CPNE4: variants seen among roughly 807,000 people sequenced by gnomAD.
The protein encoded by CPNE4 is copine 4.
In CPNE4, 25 loss-of-function variants were observed where a neutral mutation model predicts 67.9. The observed-to-expected ratio is 0.37, with a 90% CI of 0.27 to 0.51. The LOEUF (loss-of-function observed/expected upper bound fraction) is 0.51. Among genes scored for constraint, CPNE4 ranks in the 20% least tolerant of loss-of-function variants. CPNE4 has a pLI of 0.93. For missense variants in CPNE4, 464 were observed against 690.8 expected (o/e 0.67, Z 3.68); for synonymous variants, 242 against 244.9 (o/e 0.99, Z 0.11).
intron 2 of CPNE4, among the ~76,000 whole-genome samples, chr3:131,733,101 A>G (rs542626530): frequency 6.6e-6 from 1 of 152,354 alleles, no homozygotes; most frequent in South Asian, 2.1e-4. Flanking sequence ...ACTTAGAACC[A>G]AAAAGGTTAA....
intron 1 of CPNE4, among the ~76,000 whole-genome samples, chr3:132,018,983 ACT>A (rs1431719609): frequency 6.6e-6 from 1 of 151,948 alleles, no homozygotes; most frequent in African/African-American, 2.4e-5. Context: ...ATAATGGGAA[ACT>A]CTGCTTTATC....
chr3:131,634,271 C>T (rs2079317591), intron 7 of CPNE4, among the ~76,000 whole-genome samples: 1 of 152,128 alleles, frequency 6.6e-6, no homozygotes, highest in African/African-American at 2.4e-5. Context: ...ATATGCTGAG[C>T]ATCCATTCAC....
intron 2 of CPNE4, among the ~76,000 whole-genome samples, chr3:131,903,628 A>G (rs1672400544): frequency 6.6e-6 from 1 of 152,108 alleles, no homozygotes; most frequent in Non-Finnish European, 1.5e-5. Flanking sequence ...TTCCACTTAC[A>G]AGCTGACTGC....
At chr3:131,636,938 A>G (rs911573671) in intron 7 of CPNE4, among the ~76,000 whole-genome samples, 3 of 152,164 alleles carry the variant, frequency 2.0e-5, no homozygotes, top group Non-Finnish European at 4.4e-5. Flanking sequence ...AGAAAAGCAT[A>G]AACAATCACT....
chr3:131,879,711 T>C (rs1260366404), intron 2 of CPNE4, among the ~76,000 whole-genome samples: 1 of 152,178 alleles, frequency 6.6e-6, no homozygotes, highest in African/African-American at 2.4e-5. Flanking sequence ...TAGGCAGAGC[T>C]CTAGCCAAGA....
intron 5 of CPNE4, 110 bp from the exon 6 acceptor site, chr3:131,686,068 A>G (rs1032628491): frequency 1.5e-6 from 1 of 656,410 alleles, no homozygotes; most frequent in Non-Finnish European, 2.7e-6. Flanking sequence ...CCTATTTTTT[A>G]TATGTGGAAG....
chr3:131,713,582 T>C (rs566969269), intron 3 of CPNE4, among the ~76,000 whole-genome samples: 1 of 152,284 alleles, frequency 6.6e-6, no homozygotes. Context: ...AAAATGTTTG[T>C]TCTATAGATG....
At chr3:131,764,476 G>C (rs1447543895) in intron 2 of CPNE4, among the ~76,000 whole-genome samples, 1 of 152,052 alleles carries the variant, frequency 6.6e-6, no homozygotes, top group East Asian at 1.9e-4. Flanking sequence ...ACAATTGGAA[G>C]TCTGAATATG....
intron 1 of CPNE4, among the ~76,000 whole-genome samples, chr3:131,960,842 C>A (rs1369013328): frequency 6.6e-6 from 1 of 152,160 alleles, no homozygotes; most frequent in East Asian, 1.9e-4. Context: ...AAACCCCAGT[C>A]CAGAACTCCT....
chr3:131,956,717 C>T (rs1318454360), intron 1 of CPNE4, among the ~76,000 whole-genome samples: 3 of 152,164 alleles, frequency 2.0e-5, no homozygotes, highest in African/African-American at 4.8e-5. Context: ...TTGGTTTCCT[C>T]ATAGCCAATG....
chr3:131,998,246 A>G (rs1235778544), intron 1 of CPNE4, among the ~76,000 whole-genome samples: 2 of 152,120 alleles, frequency 1.3e-5, no homozygotes, highest in Non-Finnish European at 2.9e-5. Flanking sequence ...CCTGGATAAC[A>G]ATCCATGAGC....
rs116264398 is a variant in CPNE4 at position 131,939,251 on chromosome 3, T to C, written c.-1-33807A>G. ...ATAAGGTAATAGTATATCCAAACAA[T>C]GGAATACAATGCAGCTGTCAACAAC... On this transcript the variant is annotated intron_variant, in intron 1 of 15. Transcript: ENST00000429747. 3.4e-3 allele frequency among the ~76,000 whole-genome samples: 515 copies of C among 152,034 alleles called. 1 individual carries two copies. Among genetic ancestry groups the C allele is most frequent in the Non-Finnish European group, 5.4e-3 (368 of 67,970 alleles).
chr3:131,801,420 G>GTATGTGTGTGTA (rs761078969), intron 2 of CPNE4, among the ~76,000 whole-genome samples: 11,713 of 74,058 alleles, frequency 0.16, 2,038 homozygotes, highest in Non-Finnish European at 0.21. Context: ...ATATACGTGT[G>GTATGTGTGTGTA]TGTGTGTGTG....
chr3:131,915,227 T>C (rs2089140944), intron 1 of CPNE4, among the ~76,000 whole-genome samples: 2 of 152,170 alleles, frequency 1.3e-5, no homozygotes, highest in Admixed American at 1.3e-4. Context: ...TGATTTGTAA[T>C]TTGCTTAACA....
intron 2 of CPNE4, among the ~76,000 whole-genome samples, chr3:131,878,032 G>A (rs994215626): frequency 6.6e-6 from 1 of 152,212 alleles, no homozygotes; most frequent in Non-Finnish European, 1.5e-5. Context: ...TGCTACTGCT[G>A]AGAGTGCATA....
At chr3:131,589,089 T>TAGGATATATGTA (rs1938368983) in intron 7 of CPNE4, among the ~76,000 whole-genome samples, 1 of 152,162 alleles carries the variant, frequency 6.6e-6, no homozygotes, top group Non-Finnish European at 1.5e-5. Context: ...ACAGAACTAA[T>TAGGATATATGTA]AGGATATATG....
intron 2 of CPNE4, among the ~76,000 whole-genome samples, chr3:131,846,446 T>C (rs1381597310): frequency 1.3e-5 from 2 of 152,188 alleles, no homozygotes; most frequent in African/African-American, 4.8e-5. Flanking sequence ...GTCAGAACTT[T>C]ACCTGTAAAA....
At chr3:131,543,135 T>G in intron 14 of CPNE4, 1 of 205,040 alleles carries the variant, frequency 4.9e-6, no homozygotes, top group Non-Finnish European at 9.9e-6. Context: ...GCTTCTTCAT[T>G]TCTCAAATGA....
At chr3:131,616,780 G>C (rs1582898299) in intron 7 of CPNE4, among the ~76,000 whole-genome samples, 1 of 152,264 alleles carries the variant, frequency 6.6e-6, no homozygotes, top group East Asian at 1.9e-4. Flanking sequence ...AGGAATTAAA[G>C]AACAGACAGA....
Sources: allele counts gnomAD v4.1 joint callset (sites outside exome capture counted in the v4.1 genomes callset), GRCh38; gene constraint gnomAD v4.1.1; transcripts MANE v1.5; gene names NCBI Gene and HGNC (gene_info 2026-07-23, HGNC 2026-07-21).